MTNAP1: variants seen among roughly 807,000 people sequenced by gnomAD.
MTNAP1 encodes mitochondrial nucleoid associated protein 1, also known as mitochondrial nucleoid-associated protein 1.
chr17:73,248,387 GC>G, the MTNAP1 span: 1 of 1,013,404 alleles, frequency 9.9e-7, no homozygotes, highest in Non-Finnish European at 1.5e-6. Context: ...ATTTTAAACA[GC>G]CTTATAAGTT....
At chr17:73,241,333 G>A in the MTNAP1 span, among the ~76,000 whole-genome samples, 77,425 of 151,442 alleles carry the variant, frequency 0.51, 19,848 homozygotes, top group East Asian at 0.61. Context: ...AATTTTTTCT[G>A]TTTTTTAGTA....
chr17:73,247,646 A>G, the MTNAP1 span: 3 of 230,948 alleles, frequency 1.3e-5, no homozygotes, highest in South Asian at 2.4e-4. Context: ...TCCTAAAAGG[A>G]TATCTGCCTT....
At chr17:73,247,702 A>C in the MTNAP1 span, 1 of 176,588 alleles carries the variant, frequency 5.7e-6, no homozygotes, top group Admixed American at 5.6e-5. Flanking sequence ...ATTAATAAGA[A>C]GACAGCTTTT....
the MTNAP1 span, among the ~76,000 whole-genome samples, chr17:73,234,475 G>A: frequency 2.6e-5 from 4 of 151,842 alleles, no homozygotes; most frequent in South Asian, 2.1e-4. Flanking sequence ...GGCAGATCAC[G>A]AAGTCAGGAG....
At chr17:73,235,836 A>G in the MTNAP1 span, 9 of 1,614,158 alleles carry the variant, frequency 5.6e-6, no homozygotes, top group South Asian at 9.9e-5. Flanking sequence ...CAATCCAACC[A>G]TCCTTCAAAA....
the MTNAP1 span, chr17:73,233,029 A>G: frequency 6.5e-6 from 1 of 152,744 alleles, no homozygotes; most frequent in African/African-American, 2.4e-5. Context: ...GGAGGAGGGA[A>G]AGGCGGCTGG....
chr17:73,236,962 C>G, the MTNAP1 span: 1 of 1,596,928 alleles, frequency 6.3e-7, no homozygotes, highest in Non-Finnish European at 8.5e-7. Flanking sequence ...GAAGCCACAA[C>G]TTATCAGTCC....
chr17:73,247,219 A>G, the MTNAP1 span: 5 of 1,606,872 alleles, frequency 3.1e-6, no homozygotes, highest in South Asian at 4.4e-5. Flanking sequence ...AGCTGAAAAT[A>G]TTTACTATCT....
chr17:73,237,091 A>G, the MTNAP1 span: 1 of 1,237,332 alleles, frequency 8.1e-7, no homozygotes, highest in South Asian at 1.6e-5. Context: ...ATTTTCAGTC[A>G]TTTAGTTTAT....
the MTNAP1 span, chr17:73,243,075 GAATTTTTT>G: frequency 1.3e-4 from 127 of 1,015,156 alleles, 5 homozygotes; most frequent in Non-Finnish European, 1.6e-4. Context: ...GGGATTCTCT[GAATTTTTT>G]TTTTTTTTTT....
chr17:73,242,273 AT>A, the MTNAP1 span: 1 of 1,603,672 alleles, frequency 6.2e-7, no homozygotes, highest in Non-Finnish European at 8.5e-7. Context: ...CTCAACTCAT[AT>A]AAGGAGTTTG....
At chr17:73,236,990 C>T in the MTNAP1 span, 32 of 1,556,810 alleles carry the variant, frequency 2.1e-5, no homozygotes, top group Non-Finnish European at 2.5e-5. Flanking sequence ...GAAAGACTCT[C>T]ACAAGGTAAA....
At chr17:73,243,984 A>G in the MTNAP1 span, among the ~76,000 whole-genome samples, 1 of 152,232 alleles carries the variant, frequency 6.6e-6, no homozygotes, top group East Asian at 1.9e-4. Flanking sequence ...AAGGAGGAAT[A>G]GAATACAGCT....
At chr17:73,243,748 T>C in the MTNAP1 span, among the ~76,000 whole-genome samples, 1 of 152,064 alleles carries the variant, frequency 6.6e-6, no homozygotes, top group Non-Finnish European at 1.5e-5. Context: ...TTGGCCAGGC[T>C]AGTCTCGAAC....
At chr17:73,237,295 G>T in the MTNAP1 span, among the ~76,000 whole-genome samples, 1 of 152,154 alleles carries the variant, frequency 6.6e-6, no homozygotes, top group Non-Finnish European at 1.5e-5. Flanking sequence ...AAAATTAGCT[G>T]GGTGTGGTGG....
the MTNAP1 span, chr17:73,247,392 G>A: frequency 4.8e-4 from 768 of 1,586,892 alleles, 3 homozygotes; most frequent in East Asian, 0.01. Flanking sequence ...TAGTGCCTTC[G>A]TGCCCTGTGT....
chr17:73,242,868 A>G, the MTNAP1 span: 142 of 1,588,000 alleles, frequency 8.9e-5, no homozygotes, highest in Non-Finnish European at 1.1e-4. Flanking sequence ...AGTTGCTGTA[A>G]CAACAAGCCG....
At chr17:73,241,180 C>A in the MTNAP1 span, among the ~76,000 whole-genome samples, 50 of 151,904 alleles carry the variant, frequency 3.3e-4, no homozygotes, top group Non-Finnish European at 4.0e-4. Flanking sequence ...GTTTTTGAGG[C>A]AGAGTCTTGC....
the MTNAP1 span, chr17:73,244,528 T>C: frequency 8.5e-6 from 1 of 117,468 alleles, no homozygotes. Context: ...GCGCCACTAC[T>C]CCAGCCTGGG....
Sources: allele counts gnomAD v4.1 joint callset (sites outside exome capture counted in the v4.1 genomes callset), GRCh38; gene constraint gnomAD v4.1.1; transcripts MANE v1.5; gene names NCBI Gene and HGNC (gene_info 2026-07-23, HGNC 2026-07-21).